The following TENM2 variants were observed in gnomAD, a reference collection of about 807,000 sequenced individuals.
TENM2 encodes teneurin-2.
In TENM2, 52 loss-of-function variants were observed where a neutral mutation model predicts 245.2. That is an observed-to-expected ratio of 0.21 (90% confidence interval 0.17 to 0.27). The LOEUF is 0.27. Among genes scored for constraint, TENM2 ranks in the 10% least tolerant of loss-of-function variants. The pLI, the probability that TENM2 is intolerant of heterozygous loss-of-function variation, is 1.00. For missense variants in TENM2, 3,046 were observed against 3,666.8 expected, an observed-to-expected ratio of 0.83 and a Z score of 4.37; for synonymous variants, 1,363 against 1,438.9, an observed-to-expected ratio of 0.95 and a Z score of 1.19.
At chr5:167,546,433 A>G (rs1772565170) in intron 2 of TENM2, among the ~76,000 whole-genome samples, 2 of 152,142 alleles carry the variant, frequency 1.3e-5, no homozygotes, top group African/African-American at 4.8e-5. Context: ...TGAGCTTTCA[A>G]TCCTAGACCT....
In TENM2 at chr5:167,530,277, G is replaced by A. The variant is rs189554714; in HGVS notation, c.502+154804G>A. Among the ~76,000 whole-genome samples the A allele has an allele frequency of 3.3e-5, 5 of 152,206 alleles. No homozygotes were observed. In the East Asian group the frequency reaches 9.7e-4, roughly 29 times the overall value. ...TAACTTGAGAAAGACTGTTCTAGAA[G>A]GAATACAGTTTTAAAAAATGAAGAA... is the stretch of plus-strand genomic sequence containing the variant. On this transcript the variant is annotated intron_variant, in intron 2 of 28. Coordinates refer to ENST00000518659, the Ensembl canonical transcript of TENM2.
intron 1 of TENM2, among the ~76,000 whole-genome samples, chr5:167,328,207 T>G (rs1216706182): frequency 6.0e-5 from 2 of 33,118 alleles, no homozygotes; most frequent in African/African-American, 7.8e-5. Flanking sequence ...TCATATCGTT[T>G]TTTTTTTTTT....
intron 2 of TENM2, among the ~76,000 whole-genome samples, chr5:167,557,651 C>G (rs1773338674): frequency 1.3e-5 from 2 of 152,180 alleles, no homozygotes; most frequent in Admixed American, 1.3e-4. Flanking sequence ...GCTTATTTCA[C>G]TTACCTCAGT....
At chr5:167,814,864 A>G (rs1050274273) in intron 2 of TENM2, among the ~76,000 whole-genome samples, 1 of 152,174 alleles carries the variant, frequency 6.6e-6, no homozygotes, top group Non-Finnish European at 1.5e-5. Flanking sequence ...CAGCAGCTCC[A>G]ATCAGGAAGG....
At chr5:167,661,531 G>A (rs1755206997) in intron 2 of TENM2, among the ~76,000 whole-genome samples, 1 of 152,184 alleles carries the variant, frequency 6.6e-6, no homozygotes, top group South Asian at 2.1e-4. Context: ...CCCTGGAGCT[G>A]AAAGGGATTG....
chr5:167,520,871 G>A (rs1477053151), intron 2 of TENM2, among the ~76,000 whole-genome samples: 2 of 150,348 alleles, frequency 1.3e-5, no homozygotes, highest in African/African-American at 2.4e-5. Flanking sequence ...ATTCTCTCCC[G>A]GTACCAGTTC....
chr5:167,711,540 C>G (rs1204912534), intron 2 of TENM2, among the ~76,000 whole-genome samples: 1 of 152,092 alleles, frequency 6.6e-6, no homozygotes, highest in Admixed American at 6.6e-5. Context: ...TCTCTTTGTC[C>G]CCTGGCCTTT....
At chr5:167,853,279 G>T (rs1770756808) in intron 2 of TENM2, among the ~76,000 whole-genome samples, 1 of 36,434 alleles carries the variant, frequency 2.7e-5, no homozygotes, top group Non-Finnish European at 5.5e-5. Flanking sequence ...GACAGAGCGA[G>T]ACTCCGTCTC....
chr5:167,259,447 A>G, the TENM2 span, among the ~76,000 whole-genome samples: 1 of 152,228 alleles, frequency 6.6e-6, no homozygotes, highest in Non-Finnish European at 1.5e-5. Context: ...CATTTAAATA[A>G]TGAGTCAAAT....
intron 2 of TENM2, among the ~76,000 whole-genome samples, chr5:167,790,525 A>G (rs545946482): frequency 6.6e-6 from 1 of 152,270 alleles, no homozygotes; most frequent in South Asian, 2.1e-4. Flanking sequence ...GGGCTTTCAG[A>G]TAGTCCATGC....
At chr5:168,214,989 G>A (rs1270056947) in intron 20 of TENM2, 51 bp from the exon 23 acceptor site, 5 of 1,519,794 alleles carry the variant, frequency 3.3e-6, no homozygotes, top group Admixed American at 1.7e-5. Context: ...GATCTAGGAG[G>A]CCAGCTCCAT....
At chr5:167,415,191 A>T (rs184290882) in intron 2 of TENM2, among the ~76,000 whole-genome samples, 1 of 152,150 alleles carries the variant, frequency 6.6e-6, no homozygotes, top group Non-Finnish European at 1.5e-5. Flanking sequence ...CACCATTTCA[A>T]CTGTAGGATA....
rs1762015938 is a variant in TENM2, at chr5:167,395,775, G to T, written c.502+20302G>T. Among the ~76,000 whole-genome samples the T allele has an allele frequency of 2.0e-5, 3 of 152,032 alleles. No homozygotes were observed. The South Asian group carries it at 6.2e-4, about 32-fold the overall frequency. ...AGTTGATGAGAAAAAAAATGATGTG[G>T]TTATACATCCTTTCACTTAAACTCA... On this transcript the variant is annotated intron_variant, in intron 2 of 28. Transcript: ENST00000518659.
chr5:167,774,612 C>T (rs976854431), intron 2 of TENM2, among the ~76,000 whole-genome samples: 1 of 152,132 alleles, frequency 6.6e-6, no homozygotes, highest in Non-Finnish European at 1.5e-5. Context: ...TACATGGATA[C>T]CCCTGGGTTG....
intron 2 of TENM2, among the ~76,000 whole-genome samples, chr5:167,586,476 T>C (rs1382085214): frequency 6.6e-6 from 1 of 152,152 alleles, no homozygotes; most frequent in African/African-American, 2.4e-5. Flanking sequence ...CTCTTTTAAT[T>C]TGGGACATAT....
the TENM2 span, among the ~76,000 whole-genome samples, chr5:166,993,095 G>A: frequency 6.6e-6 from 1 of 151,868 alleles, no homozygotes; most frequent in Non-Finnish European, 1.5e-5. Flanking sequence ...AGAGGAACCA[G>A]GTGCTTTCCT....
chr5:168,207,906 C>T (rs1762491828), intron 19 of TENM2, among the ~76,000 whole-genome samples: 1 of 152,196 alleles, frequency 6.6e-6, no homozygotes, highest in South Asian at 2.1e-4. Context: ...AGAGCCTTCT[C>T]TTAGGTAAAA....
chr5:167,136,498 A>G, the TENM2 span, among the ~76,000 whole-genome samples: 2 of 152,196 alleles, frequency 1.3e-5, no homozygotes, highest in Non-Finnish European at 1.5e-5. Flanking sequence ...AGACCTGTCA[A>G]TTCCTTTTGC....
intron 5 of TENM2, among the ~76,000 whole-genome samples, chr5:168,039,243 C>T (rs1205433813): frequency 1.3e-5 from 2 of 152,296 alleles, no homozygotes; most frequent in East Asian, 1.9e-4. Flanking sequence ...GTGCAGCCTG[C>T]GTCTTCTTTC....
Sources: gnomAD v4.1 joint callset for allele counts (sites outside exome capture counted in the v4.1 genomes callset) on GRCh38, gnomAD v4.1.1 for gene constraint, MANE v1.5 for transcripts, NCBI Gene and HGNC (gene_info 2026-07-23, HGNC 2026-07-21) for gene names.